Variants in GPC5 observed in about 807,000 individuals in gnomAD.
The protein encoded by GPC5 is glypican-5.
A neutral mutation model predicts 53.9 loss-of-function variants in GPC5; 47 were observed. The ratio of observed to expected loss-of-function variants is 0.87; its 90% CI spans 0.69 to 1.11. GPC5 has a LOEUF of 1.11. Among genes scored for constraint, GPC5 ranks in the 50% most tolerant of loss-of-function variants. The pLI, the probability that GPC5 is intolerant of heterozygous loss-of-function variation, is 0.00. For missense variants in GPC5, 748 were observed against 713.1 expected (o/e 1.05, Z -0.56); for synonymous variants, 286 against 263.3 (o/e 1.09, Z -0.84).
intron 2 of GPC5, among the ~76,000 whole-genome samples, chr13:91,501,562 A>G (rs1283568099): frequency 6.6e-6 from 1 of 152,176 alleles, no homozygotes; most frequent in Non-Finnish European, 1.5e-5. Flanking sequence ...ATGTCCCTAC[A>G]AAGGACATGA....
rs138079684 is a variant in GPC5, at chr13:91,582,856, T to C, written c.326-110331T>C. 5.7e-4 allele frequency among the ~76,000 whole-genome samples: 86 copies of C among 152,128 alleles called. 1 individual carries two copies. The highest frequency in any genetic ancestry group is 1.9e-3 in the African/African-American group (80 of 41,518). ...GGTGATACCGTGTCTCTACTAAATA[T>C]ACAAAAATTATCTGGGCATGGTGGC... On this transcript the variant is annotated intron_variant, in intron 2 of 7. Transcript: ENST00000377067.
Position 91,712,590 on chromosome 13 carries a change from A to T in GPC5, c.1021-15942A>T, listed in dbSNP as rs989771192. Among the ~76,000 whole-genome samples the T allele has an allele frequency of 2.6e-5, 4 of 152,332 alleles. No homozygotes were observed. The East Asian group carries it at 7.7e-4, about 29-fold the overall frequency. ...ATCACAGTCATCAGTGATCTCTGAT[A>T]GAGTGTCCTTCATTCACATTGGAAA... On this transcript the variant is annotated intron_variant, in intron 3 of 7. Coordinates refer to ENST00000377067, the MANE Select transcript of GPC5 (RefSeq NM_004466.6).
rs188476857 is a variant in GPC5, at chr13:91,867,822, G to A, written c.1281-40115G>A. Among the ~76,000 whole-genome samples the A allele has an allele frequency of 5.3e-5, 8 of 152,086 alleles. No homozygotes were observed. In the East Asian group the frequency reaches 7.7e-4, roughly 15 times the overall value. ...ATATTAACTTTTATTATAAATGAAC[G>A]AACAATTGTATAGCATTTCAAATAA... is the stretch of plus-strand genomic sequence containing the variant. On this transcript the variant is annotated intron_variant, in intron 5 of 7. Coordinates refer to ENST00000377067, the MANE Select transcript of GPC5 (RefSeq NM_004466.6).
At chr13:92,056,575 A>C (rs1190206836) in intron 6 of GPC5, among the ~76,000 whole-genome samples, 2 of 152,168 alleles carry the variant, frequency 1.3e-5, no homozygotes, top group African/African-American at 4.8e-5. Context: ...TTCTGTACCA[A>C]GGGTAATGAG....
intron 6 of GPC5, among the ~76,000 whole-genome samples, chr13:91,923,234 C>T (rs2139020004): frequency 6.6e-6 from 1 of 152,232 alleles, no homozygotes. Context: ...ACATATGAGT[C>T]CATAATGTTT....
intron 6 of GPC5, among the ~76,000 whole-genome samples, chr13:91,967,699 A>G (rs2040193918): frequency 6.6e-6 from 1 of 152,032 alleles, no homozygotes; most frequent in Admixed American, 6.5e-5. Flanking sequence ...AGCAATATTT[A>G]TATATTATTG....
chr13:92,131,100 A>G (rs920329541), intron 6 of GPC5, among the ~76,000 whole-genome samples: 1 of 151,908 alleles, frequency 6.6e-6, no homozygotes, highest in Non-Finnish European at 1.5e-5. Context: ...AAAATCATTA[A>G]TTGCTCAGAA....
At chr13:92,011,227 T>C (rs540811940) in intron 6 of GPC5, among the ~76,000 whole-genome samples, 36 of 152,314 alleles carry the variant, frequency 2.4e-4, no homozygotes, top group Non-Finnish European at 3.8e-4. Context: ...AGTTCCTTTG[T>C]TCTCTTCTCC....
At chr13:92,055,603 A>G (rs2041068091) in intron 6 of GPC5, among the ~76,000 whole-genome samples, 1 of 152,206 alleles carries the variant, frequency 6.6e-6, no homozygotes, top group Non-Finnish European at 1.5e-5. Context: ...AAGCAACAAC[A>G]TTTACTGCCT....
intron 6 of GPC5, among the ~76,000 whole-genome samples, chr13:91,947,076 A>G (rs2039981090): frequency 6.6e-6 from 1 of 152,162 alleles, no homozygotes; most frequent in East Asian, 1.9e-4. Context: ...ATTGTTAACC[A>G]TTGCACACAG....
intron 2 of GPC5, among the ~76,000 whole-genome samples, chr13:91,505,323 A>G (rs1002171673): frequency 6.6e-6 from 1 of 152,232 alleles, no homozygotes; most frequent in African/African-American, 2.4e-5. Context: ...CTCCAGAAAT[A>G]GACCAAAGAA....
chr13:92,138,594 A>T (rs1333179549), intron 6 of GPC5, among the ~76,000 whole-genome samples: 1 of 152,110 alleles, frequency 6.6e-6, no homozygotes, highest in African/African-American at 2.4e-5. Context: ...CAATCTGTAG[A>T]TTCATTTCAT....
intron 6 of GPC5, among the ~76,000 whole-genome samples, chr13:91,934,389 G>A (rs564760277): frequency 6.6e-5 from 10 of 152,064 alleles, no homozygotes; most frequent in African/African-American, 2.2e-4. Context: ...ACCCTGGGCA[G>A]TGACACATTG....
intron 3 of GPC5, among the ~76,000 whole-genome samples, chr13:91,705,972 C>A (rs2036094941): frequency 6.6e-6 from 1 of 150,814 alleles, no homozygotes; most frequent in African/African-American, 2.4e-5. Context: ...CCTCCGCCTC[C>A]TGAGTTCAAG....
At chr13:91,447,013 G>A (rs995938698) in intron 1 of GPC5, among the ~76,000 whole-genome samples, 2 of 152,186 alleles carry the variant, frequency 1.3e-5, no homozygotes, top group African/African-American at 4.8e-5. Flanking sequence ...GTGATGGGAA[G>A]AGTACAAAGG....
intron 7 of GPC5, among the ~76,000 whole-genome samples, chr13:92,679,101 A>T (rs1383941457): frequency 6.6e-6 from 1 of 152,166 alleles, no homozygotes; most frequent in Non-Finnish European, 1.5e-5. Context: ...AGTTCGGGAG[A>T]TTTGAATGCA....
chr13:92,153,427 C>T (rs1162823005), intron 7 of GPC5, among the ~76,000 whole-genome samples: 2 of 152,164 alleles, frequency 1.3e-5, no homozygotes, highest in Non-Finnish European at 2.9e-5. Context: ...CATGAGCCAC[C>T]ATACCCAGCC....
intron 7 of GPC5, chr13:92,340,668 T>C (rs1358694944): frequency 6.6e-6 from 1 of 152,190 alleles, no homozygotes; most frequent in African/African-American, 2.4e-5. Flanking sequence ...CTTTGATTTT[T>C]GAAAGGGCTG....
At chr13:91,517,311 T>C (rs758933349) in intron 2 of GPC5, among the ~76,000 whole-genome samples, 1 of 152,170 alleles carries the variant, frequency 6.6e-6, no homozygotes, top group Non-Finnish European at 1.5e-5. Context: ...TGCTCAGAAA[T>C]TTCTTCCACC....
Sources: allele counts gnomAD v4.1 joint callset (sites outside exome capture counted in the v4.1 genomes callset), GRCh38; gene constraint gnomAD v4.1.1; transcripts MANE v1.5; gene names NCBI Gene and HGNC (gene_info 2026-07-23, HGNC 2026-07-21).